The following VIPR1 variants were observed in gnomAD, a reference collection of about 807,000 sequenced individuals.
VIPR1 encodes the protein vasoactive intestinal peptide receptor 1.
Under a neutral mutation model 58.8 loss-of-function variants are expected in VIPR1, and 59 were observed. The observed-to-expected ratio is 1.00, with a 90% CI of 0.81 to 1.25. VIPR1 has a LOEUF of 1.25. Among genes scored for constraint, VIPR1 ranks in the 50% most tolerant of loss-of-function variants. VIPR1 has a pLI of 0.00. For synonymous variants in VIPR1, 251 were observed against 242.1 expected (o/e 1.04, Z -0.34); for missense variants, 626 against 602.7 (o/e 1.04, Z -0.40).
At chr3:42,520,831 T>C (rs774419706) in intron 3 of VIPR1, among the ~76,000 whole-genome samples, 10 of 152,078 alleles carry the variant, frequency 6.6e-5, no homozygotes, top group Non-Finnish European at 1.3e-4. Flanking sequence ...CAGTGCCTGC[T>C]GTTGTGACCT....
In VIPR1 at chr3:42,531,790, A is replaced by G. The variant is rs555120288; in HGVS notation, c.852-13A>G. 17 of 1,614,044 alleles carry G rather than the reference A, an allele frequency of 1.1e-5. No homozygotes were observed. In the African/African-American group the frequency reaches 1.9e-4, roughly 18 times the overall value. On this transcript the variant is annotated splice_polypyrimidine_tract_variant and intron_variant, in intron 8 of 12. Transcript: ENST00000325123. ...AGGACAATCCCTCTCATTCCTCCCC[A>G]CGGTCTGCTCAGGTGCTGGGACACC...
At position 42,537,294 on chromosome 3, in the gene VIPR1, T is replaced by G. The variant is rs1577267522; in HGVS notation, c.*1013T>G. ...AAAGCACGGACTCTTACTGCTAACT[T>G]TTGTGTATCGTAACCAGCCAGATCC... On this transcript the variant is annotated 3_prime_UTR_variant, in exon 13 of 13. Coordinates refer to ENST00000325123, the MANE Select transcript of VIPR1 (RefSeq NM_004624.4). The G allele has an allele frequency of 6.6e-6, 1 of 152,336 alleles. No individual in the cohort carries two copies. Among genetic ancestry groups the G allele is most frequent in the East Asian group, 1.9e-4 (1 of 5,182 alleles). 9.4% of individuals were successfully genotyped at this position (152,336 alleles called of 1,614,324 possible).
At chr3:42,511,242 A>G (rs1188257029) in intron 1 of VIPR1, among the ~76,000 whole-genome samples, 1 of 152,236 alleles carries the variant, frequency 6.6e-6, no homozygotes, top group African/African-American at 2.4e-5. Context: ...CGTGTGTTCC[A>G]CTTGTCAACA....
upstream of VIPR1, among the ~76,000 whole-genome samples, chr3:42,498,637 G>A (rs1699810902): frequency 6.6e-6 from 1 of 152,138 alleles, no homozygotes; most frequent in African/African-American, 2.4e-5. Flanking sequence ...TGTTATGTCA[G>A]GATGATTCTT....
intron 1 of VIPR1, among the ~76,000 whole-genome samples, chr3:42,496,034 C>T (rs1205469667): frequency 1.3e-5 from 2 of 151,968 alleles, no homozygotes; most frequent in South Asian, 2.1e-4. Flanking sequence ...GGTAGGAGTT[C>T]GAGACCAGCC....
At chr3:42,513,977 G>A in intron 2 of VIPR1, 123 bp downstream of exon 2, 2 of 1,123,752 alleles carry the variant, frequency 1.8e-6, no homozygotes, top group Non-Finnish European at 1.3e-6. Flanking sequence ...AGGAGCGGCT[G>A]GGGAGCCAGA....
At chr3:42,502,178 A>C (rs936013746), upstream of VIPR1, 4 of 152,300 alleles carry the variant, frequency 2.6e-5, no homozygotes, top group Non-Finnish European at 5.9e-5. Flanking sequence ...GATAAGTGGC[A>C]CTTCCTGTCT....
At chr3:42,531,060 G>C in intron 7 of VIPR1, 128 bp downstream of exon 7, 1 of 1,248,938 alleles carries the variant, frequency 8.0e-7, no homozygotes, top group Middle Eastern at 2.6e-4. Context: ...TGCCTGCAAG[G>C]ATATCAGCCA....
rs1559489461 is a variant in VIPR1 at position 42,522,081 on chromosome 3, ATAT to A, written c.292+2752_292+2754del. ...CTTTCATCTGTGTTTCTACCTTCGA[ATAT>A]ATATATATATATATATATTTTTTTT... On this transcript the variant is annotated intron_variant, in intron 3 of 12. Coordinates refer to ENST00000325123, the MANE Select transcript of VIPR1 (RefSeq NM_004624.4). Among the ~76,000 whole-genome samples, 107 of 41,602 alleles carry A rather than the reference ATAT, an allele frequency of 2.6e-3. 3 individuals are homozygous for A. The highest frequency in any genetic ancestry group is 0.011 in the African/African-American group (102 of 9,374). The allele number at this position is 41,602 out of a possible 152,430, so 27.3% of individuals were successfully genotyped here.
At chr3:42,490,447 G>C (rs342518) in intron 1 of VIPR1, among the ~76,000 whole-genome samples, 4 of 152,098 alleles carry the variant, frequency 2.6e-5, no homozygotes, top group African/African-American at 9.7e-5. Flanking sequence ...ATAAAGAGGA[G>C]GCGAGAGAGG....
chr3:42,497,379 G>A (rs1210107679), intron 1 of VIPR1, among the ~76,000 whole-genome samples: 1 of 152,116 alleles, frequency 6.6e-6, no homozygotes, highest in Non-Finnish European at 1.5e-5. Context: ...GCTGGAAGTA[G>A]ATGTGTCTGT....
chr3:42,519,103 G>C (rs1355837110), intron 2 of VIPR1, 120 bp from the exon 3 acceptor site: 1 of 753,582 alleles, frequency 1.3e-6, no homozygotes, highest in African/African-American at 1.8e-5. Context: ...CAGACTGGAG[G>C]CTCCTTGAGG....
chr3:42,491,546 GCTTT>G (rs1167046941), intron 1 of VIPR1, among the ~76,000 whole-genome samples: 1 of 152,092 alleles, frequency 6.6e-6, no homozygotes, highest in Admixed American at 6.6e-5. Context: ...GTATTTTGAA[GCTTT>G]CTTTCTTTAT....
chr3:42,497,389 T>C (rs1264864404), intron 1 of VIPR1, among the ~76,000 whole-genome samples: 1 of 152,182 alleles, frequency 6.6e-6, no homozygotes, highest in East Asian at 1.9e-4. Flanking sequence ...GATGTGTCTG[T>C]ATGAACTCAT....
At chr3:42,505,993 G>T (rs1000884043) in intron 1 of VIPR1, among the ~76,000 whole-genome samples, 1 of 152,216 alleles carries the variant, frequency 6.6e-6, no homozygotes, top group African/African-American at 2.4e-5. Flanking sequence ...AGGAGGTAAA[G>T]GTTGTGAAGG....
upstream of VIPR1, among the ~76,000 whole-genome samples, chr3:42,500,819 AAGAAAGGCT>A (rs1699853871): frequency 6.6e-6 from 1 of 152,170 alleles, no homozygotes; most frequent in South Asian, 2.1e-4. Context: ...GTACAAACCC[AAGAAAGGCT>A]AGGACAGAGG....
intron 2 of VIPR1, among the ~76,000 whole-genome samples, chr3:42,518,547 T>C (rs1234811057): frequency 6.6e-6 from 1 of 152,136 alleles, no homozygotes; most frequent in African/African-American, 2.4e-5. Context: ...GAGATCAGCC[T>C]GGCCAACATG....
chr3:42,496,871 C>A (rs928925943), intron 1 of VIPR1, among the ~76,000 whole-genome samples: 1 of 152,160 alleles, frequency 6.6e-6, no homozygotes, highest in Admixed American at 6.6e-5. Context: ...TTTTAATCCT[C>A]CCAAACAAAC....
chr3:42,507,251 C>G (rs1700157792), intron 1 of VIPR1: 1 of 152,222 alleles, frequency 6.6e-6, no homozygotes, highest in African/African-American at 2.4e-5. Context: ...GCTTGGTCTT[C>G]TCGCAGGAGT....
Sources: allele counts gnomAD v4.1 joint callset (sites outside exome capture counted in the v4.1 genomes callset), GRCh38; gene constraint gnomAD v4.1.1; transcripts MANE v1.5; gene names NCBI Gene and HGNC (gene_info 2026-07-23, HGNC 2026-07-21).